Variants in BMPR1B observed in about 807,000 individuals in gnomAD.
The protein encoded by BMPR1B is bone morphogenetic protein receptor type 1B, also known as bone morphogenetic protein receptor type-1B.
In BMPR1B, 12 loss-of-function variants were observed where a neutral mutation model predicts 59.1. The ratio of observed to expected loss-of-function variants is 0.20; its 90% CI spans 0.13 to 0.33. The LOEUF (loss-of-function observed/expected upper bound fraction) is 0.33. Ranked by LOEUF, BMPR1B falls within the 10% of genes least tolerant of loss-of-function variation. The pLI, the probability that BMPR1B is intolerant of heterozygous loss-of-function variation, is 1.00. For missense variants in BMPR1B, 550 were observed against 610.9 expected (o/e 0.90, Z 1.05); for synonymous variants, 237 against 207.3 (o/e 1.14, Z -1.23).
intron 3 of BMPR1B, among the ~76,000 whole-genome samples, chr4:95,056,170 T>G (rs905472987): frequency 2.0e-5 from 3 of 152,202 alleles, no homozygotes; most frequent in African/African-American, 7.2e-5. Flanking sequence ...TAGGTCCAGA[T>G]GGCCTCTTTT....
rs1725257829 is a variant in BMPR1B at position 95,036,579 on chromosome 4, G to A, written c.-18+40445G>A. Among the ~76,000 whole-genome samples the A allele has an allele frequency of 2.0e-5, 3 of 152,134 alleles. No homozygotes were observed. The South Asian group carries it at 6.2e-4, about 32-fold the overall frequency. ...TTTCATGGCTGAATAGTATTCTACT[G>A]TGTGTATGTACCATATTTTCTTTAT... On this transcript the variant is annotated intron_variant, in intron 3 of 12. Coordinates refer to ENST00000515059, the MANE Select transcript of BMPR1B (RefSeq NM_001203.3).
At chr4:94,965,884 T>C (rs1333698557) in intron 2 of BMPR1B, among the ~76,000 whole-genome samples, 1 of 152,136 alleles carries the variant, frequency 6.6e-6, no homozygotes, top group Admixed American at 6.5e-5. Flanking sequence ...CAACACTGTG[T>C]TCCAACAGTG....
chr4:94,939,968 A>G (rs1729447312), intron 2 of BMPR1B, among the ~76,000 whole-genome samples: 1 of 152,204 alleles, frequency 6.6e-6, no homozygotes, highest in African/African-American at 2.4e-5. Context: ...GTTTTGAATC[A>G]GATACTATTA....
chr4:94,851,826 T>G (rs1725578302), intron 1 of BMPR1B, among the ~76,000 whole-genome samples: 1 of 152,158 alleles, frequency 6.6e-6, no homozygotes, highest in Non-Finnish European at 1.5e-5. Context: ...ACCACAAGCA[T>G]ACATATACAC....
At chr4:94,929,462 C>G (rs573162396) in intron 2 of BMPR1B, among the ~76,000 whole-genome samples, 4 of 152,138 alleles carry the variant, frequency 2.6e-5, no homozygotes, top group African/African-American at 9.6e-5. Flanking sequence ...AATTTAAGGG[C>G]CTTCTTTAAG....
intron 3 of BMPR1B, among the ~76,000 whole-genome samples, chr4:95,016,098 A>G (rs1267486213): frequency 8.2e-6 from 1 of 122,168 alleles, no homozygotes; most frequent in Non-Finnish European, 1.8e-5. Context: ...ATATTACTTC[A>G]AGGCAGATAA....
intron 3 of BMPR1B, among the ~76,000 whole-genome samples, chr4:95,100,491 G>C (rs1225905164): frequency 6.6e-6 from 1 of 151,808 alleles, no homozygotes; most frequent in African/African-American, 2.4e-5. Context: ...AAAAAATTAG[G>C]GTGTCTGTTT....
chr4:95,042,941 C>T (rs573957599), intron 3 of BMPR1B, among the ~76,000 whole-genome samples: 9 of 151,018 alleles, frequency 6.0e-5, no homozygotes, highest in African/African-American at 1.7e-4. Flanking sequence ...TTTGGGAGGC[C>T]GAGGCGGGTG....
At chr4:95,120,662 CCTT>C (rs201989586) in intron 6 of BMPR1B, among the ~76,000 whole-genome samples, 3 of 148,618 alleles carry the variant, frequency 2.0e-5, no homozygotes, top group African/African-American at 7.5e-5. Context: ...TTCCTTCCTT[CCTT>C]CTTCTTTCTT....
At chr4:95,043,442 C>T (rs1578981618) in intron 3 of BMPR1B, among the ~76,000 whole-genome samples, 1 of 152,158 alleles carries the variant, frequency 6.6e-6, no homozygotes, top group East Asian at 1.9e-4. Context: ...CTTGAATTCT[C>T]TTCCTACTCT....
chr4:94,841,623 G>GCA (rs1302148895), intron 1 of BMPR1B, among the ~76,000 whole-genome samples: 1 of 152,016 alleles, frequency 6.6e-6, no homozygotes. Flanking sequence ...GCTTCGGCTC[G>GCA]CACACGGTGC....
chr4:95,035,387 T>C (rs1459411647), intron 3 of BMPR1B, among the ~76,000 whole-genome samples: 2 of 152,216 alleles, frequency 1.3e-5, no homozygotes, highest in African/African-American at 4.8e-5. Context: ...TCCAATGTTA[T>C]ATTCTAGAAT....
At chr4:94,868,793 G>C (rs182901028) in intron 1 of BMPR1B, among the ~76,000 whole-genome samples, 100 of 152,302 alleles carry the variant, frequency 6.6e-4, no homozygotes, top group African/African-American at 2.3e-3. Flanking sequence ...CACAGGATGA[G>C]TATTTGTGTT....
intron 3 of BMPR1B, among the ~76,000 whole-genome samples, chr4:95,042,297 T>C (rs767826768): frequency 2.6e-5 from 4 of 152,238 alleles, no homozygotes; most frequent in Non-Finnish European, 4.4e-5. Context: ...TGATTGCTTA[T>C]TGATAATGTA....
intron 1 of BMPR1B, among the ~76,000 whole-genome samples, chr4:94,833,916 T>G (rs1358030441): frequency 6.6e-6 from 1 of 152,174 alleles, no homozygotes; most frequent in Non-Finnish European, 1.5e-5. Context: ...GATTAGGCAT[T>G]TTTTGTTGTT....
intron 10 of BMPR1B, among the ~76,000 whole-genome samples, chr4:95,134,867 T>G (rs531550966): frequency 9.8e-5 from 15 of 152,320 alleles, no homozygotes; most frequent in African/African-American, 2.4e-4. Flanking sequence ...TTAGTTTAAT[T>G]AGATCCCATT....
intron 2 of BMPR1B, among the ~76,000 whole-genome samples, chr4:94,957,620 C>T (rs1164218251): frequency 1.3e-5 from 2 of 151,838 alleles, no homozygotes; most frequent in African/African-American, 2.4e-5. Flanking sequence ...TCCTTTAGCT[C>T]CTCACAGGAA....
At chr4:94,870,521 G>A (rs1050712715) in intron 1 of BMPR1B, among the ~76,000 whole-genome samples, 3 of 152,162 alleles carry the variant, frequency 2.0e-5, no homozygotes, top group Admixed American at 6.5e-5. Flanking sequence ...TGGATTAATA[G>A]CATCTTTAGC....
intron 4 of BMPR1B, among the ~76,000 whole-genome samples, chr4:95,104,895 C>A (rs913977110): frequency 6.7e-6 from 1 of 148,784 alleles, no homozygotes; most frequent in Admixed American, 6.7e-5. Flanking sequence ...CAGAGGCTGT[C>A]AAATGCGTGT....
Sources: gnomAD v4.1 joint callset for allele counts (sites outside exome capture counted in the v4.1 genomes callset) on GRCh38, gnomAD v4.1.1 for gene constraint, MANE v1.5 for transcripts, NCBI Gene and HGNC (gene_info 2026-07-23, HGNC 2026-07-21) for gene names.